PTPN2: variants seen among roughly 807,000 people sequenced by gnomAD.
PTPN2 encodes protein tyrosine phosphatase non-receptor type 2, also known as tyrosine-protein phosphatase non-receptor type 2.
In PTPN2, 19 loss-of-function variants were observed where a neutral mutation model predicts 57.3. That is an observed-to-expected ratio of 0.33 (90% CI 0.23 to 0.49). The LOEUF (loss-of-function observed/expected upper bound fraction) is 0.49. Ranked by LOEUF, PTPN2 falls within the 20% of genes least tolerant of loss-of-function variation. The probability of loss-of-function intolerance (pLI) is 0.99; values close to 1 mark genes in which losing one functional copy is unlikely to be tolerated. For missense variants in PTPN2, 358 were observed against 501.1 expected (o/e 0.71, Z 2.73); for synonymous variants, 153 against 164.9 (o/e 0.93, Z 0.55).
At chr18:12,864,086 T>C (rs988386340) in intron 1 of PTPN2, 4 of 151,884 alleles carry the variant, frequency 2.6e-5, no homozygotes, top group Non-Finnish European at 4.4e-5. Context: ...TCATACCAAA[T>C]TGGCAGTAGC....
At chr18:12,883,120 GGGGAGGGGATGA>G (rs2044718888) in intron 1 of PTPN2, among the ~76,000 whole-genome samples, 1 of 152,222 alleles carries the variant, frequency 6.6e-6, no homozygotes, top group South Asian at 2.1e-4. Flanking sequence ...CCGTGCCCCC[GGGGAGGGGATGA>G]GGGCACTTTC....
chr18:12,836,805 A>G lies in PTPN2; in HGVS notation c.247T>C (p.Tyr83His), dbSNP rs943757284. Residue 83 changes from tyrosine to histidine, a missense_variant, in exon 3 of 9, where the codon TAC (tyrosine) becomes CAC (histidine). Coordinates refer to ENST00000309660, the MANE Select transcript of PTPN2 (RefSeq NM_002828.4). Reference sequence around the variant, plus strand: ...GTATTACTTGCCTGTGTTAAGATGTAACTCCTTTGTGCCTCTTCTATGTCA... The same window carrying G: ...GTATTACTTGCCTGTGTTAAGATGTGACTCCTTTGTGCCTCTTCTATGTCA... ...LVDIEEAQRS[Y>H]ILTQGPLPNT... The G allele has an allele frequency of 6.2e-7, 1 of 1,602,326 alleles. No individual in the cohort carries two copies. The highest frequency in any genetic ancestry group is 8.5e-7 in the Non-Finnish European group (1 of 1,171,818).
At chr18:12,800,837 A>G (rs2041393348) in intron 8 of PTPN2, among the ~76,000 whole-genome samples, 1 of 152,240 alleles carries the variant, frequency 6.6e-6, no homozygotes, top group African/African-American at 2.4e-5. Context: ...TGTGACTTAT[A>G]CCAGGTTATC....
At chr18:12,876,758 C>A (rs914778455) in intron 1 of PTPN2, among the ~76,000 whole-genome samples, 1 of 152,194 alleles carries the variant, frequency 6.6e-6, no homozygotes, top group South Asian at 2.1e-4. Flanking sequence ...TACCTGGGAA[C>A]ACACGTACAT....
intron 4 of PTPN2, among the ~76,000 whole-genome samples, chr18:12,827,350 A>AT (rs2042507417): frequency 7.0e-6 from 1 of 142,230 alleles, no homozygotes; most frequent in Non-Finnish European, 1.5e-5. Context: ...CTCAAAAAAA[A>AT]AAAAAAATAA....
At chr18:12,876,348 T>A (rs1024959064) in intron 1 of PTPN2, among the ~76,000 whole-genome samples, 3 of 119,226 alleles carry the variant, frequency 2.5e-5, no homozygotes, top group Non-Finnish European at 5.3e-5. Context: ...GTGCCTGTAG[T>A]CCCAGCTTCT....
intron 4 of PTPN2, among the ~76,000 whole-genome samples, chr18:12,826,475 A>C (rs1483347412): frequency 6.6e-6 from 1 of 152,208 alleles, no homozygotes; most frequent in East Asian, 1.9e-4. Context: ...ACTGTAAGCC[A>C]GTTTTAGAAC....
chr18:12,877,817 C>G, intron 1 of PTPN2, among the ~76,000 whole-genome samples: 1 of 151,764 alleles, frequency 6.6e-6, no homozygotes. Context: ...CAAGACCATC[C>G]TGGCTAACAC....
chr18:12,790,972 C>T (rs2040969722), downstream of PTPN2, among the ~76,000 whole-genome samples: 1 of 152,108 alleles, frequency 6.6e-6, no homozygotes, highest in South Asian at 2.1e-4. Flanking sequence ...ATAAAGTCTC[C>T]TCTAACACAA....
downstream of PTPN2, chr18:12,792,076 A>T: frequency 2.9e-6 from 1 of 343,176 alleles, no homozygotes; most frequent in Non-Finnish European, 4.1e-6. Flanking sequence ...AGACAGACAT[A>T]AAAAAATGTC....
intron 3 of PTPN2, among the ~76,000 whole-genome samples, chr18:12,833,213 T>C (rs1222605106): frequency 6.6e-6 from 1 of 152,182 alleles, no homozygotes; most frequent in Non-Finnish European, 1.5e-5. Context: ...TTTAAAAAAA[T>C]ACTAATTCAT....
downstream of PTPN2, among the ~76,000 whole-genome samples, chr18:12,789,049 G>A (rs1162120080): frequency 6.6e-6 from 1 of 152,210 alleles, no homozygotes; most frequent in African/African-American, 2.4e-5. Context: ...TGAGTGTACA[G>A]TTTTGGAACT....
chr18:12,800,316 A>G (rs1161467306), intron 8 of PTPN2, among the ~76,000 whole-genome samples: 1 of 152,220 alleles, frequency 6.6e-6, no homozygotes. Context: ...CATTTCAGTC[A>G]TCAAGCCTGT....
rs139964591 is a variant in PTPN2 at position 12,852,191 on chromosome 18, AACACAC to A, written c.160+6967_160+6972del. Among the ~76,000 whole-genome samples, 299 of 140,508 alleles carry A rather than the reference AACACAC, an allele frequency of 2.1e-3. 1 individual carries two copies. Among genetic ancestry groups the A allele is most frequent in the African/African-American group, 4.4e-3 (168 of 38,160 alleles). The allele number at this position is 140,508 out of a possible 152,430, so 92.2% of individuals were successfully genotyped here. ...CAAGAAATTTATGGTATGGGTTTTT[AACACAC>A]ACACACACACACACACACACACACA... is the stretch of plus-strand genomic sequence containing the variant. On this transcript the variant is annotated intron_variant, in intron 2 of 8. Transcript: ENST00000309660.
intron 1 of PTPN2, among the ~76,000 whole-genome samples, chr18:12,872,040 C>A (rs535929472): frequency 1.4e-5 from 2 of 140,032 alleles, no homozygotes; most frequent in African/African-American, 5.5e-5. Context: ...CAGAGCAAGA[C>A]TCTGTCTCAA....
chr18:12,869,321 C>T (rs1287155909), intron 1 of PTPN2, among the ~76,000 whole-genome samples: 1 of 152,166 alleles, frequency 6.6e-6, no homozygotes, highest in Non-Finnish European at 1.5e-5. Flanking sequence ...GGACTGCAGG[C>T]ACACCACCAT....
At chr18:12,867,032 A>AC (rs796266493) in intron 1 of PTPN2, among the ~76,000 whole-genome samples, 46 of 151,402 alleles carry the variant, frequency 3.0e-4, no homozygotes, top group African/African-American at 1.0e-3. Context: ...AAACAAACAA[A>AC]AAAAAAAAAC....
chr18:12,863,610 T>C (rs2043892993), intron 1 of PTPN2: 1 of 149,152 alleles, frequency 6.7e-6, no homozygotes, highest in Admixed American at 6.7e-5. Context: ...AGCAGCAGCA[T>C]CCCTGGCCTC....
chr18:12,872,872 T>C (rs926228438), intron 1 of PTPN2, among the ~76,000 whole-genome samples: 2 of 152,222 alleles, frequency 1.3e-5, no homozygotes, highest in African/African-American at 2.4e-5. Flanking sequence ...GGCATTACAT[T>C]CATTCTTAAA....
Sources: allele counts gnomAD v4.1 joint callset (sites outside exome capture counted in the v4.1 genomes callset), GRCh38; gene constraint gnomAD v4.1.1; transcripts MANE v1.5; gene names NCBI Gene and HGNC (gene_info 2026-07-23, HGNC 2026-07-21).